FER1L5: variants seen among roughly 807,000 people sequenced by gnomAD.
The protein encoded by FER1L5 is fer-1 like family member 5.
A neutral mutation model predicts 279.9 loss-of-function variants in FER1L5; 187 were observed. The ratio of observed to expected loss-of-function variants is 0.67; its 90% confidence interval spans 0.59 to 0.75. FER1L5 has a LOEUF of 0.75. Among genes scored for constraint, FER1L5 ranks in the 30% least tolerant of loss-of-function variants. The pLI is 0.00. For synonymous variants in FER1L5, 921 were observed against 989.7 expected, an observed-to-expected ratio of 0.93 and a Z score of 1.30; for missense variants, 2,091 against 2,594.4, an observed-to-expected ratio of 0.81 and a Z score of 4.21.
At position 96,694,748 on chromosome 2, in the gene FER1L5, C is replaced by T; in HGVS notation, c.3741+284C>T. 3.4e-6 allele frequency: 1 copy of T among 295,188 alleles called. No individual in the cohort carries two copies. The highest frequency in any genetic ancestry group is 6.2e-6 in the Non-Finnish European group (1 of 160,850). The allele number at this position is 295,188 out of a possible 1,614,324, so 18.3% of individuals were successfully genotyped here. ...CCCCTGCGCAGTAGCAACTACTTTG[C>T]AGAGAAGGAAATAGAGGCTCCAAGA... On this transcript the variant is annotated intron_variant, in intron 34 of 52. Coordinates refer to ENST00000624922, the MANE Select transcript of FER1L5 (RefSeq NM_001293083.2). This position sits in a 1 kb window ranked among gnomAD's most constrained non-coding sequence, Gnocchi z 4.6.
chr2:96,662,204 G>A lies in FER1L5; in HGVS notation c.1019-11G>A. The A allele has an allele frequency of 6.4e-7, 1 of 1,551,428 alleles. No homozygotes were observed. The highest frequency in any genetic ancestry group is 1.4e-5 in the African/African-American group (1 of 73,152). On this transcript the variant is annotated splice_polypyrimidine_tract_variant and intron_variant, in intron 12 of 52. Transcript: ENST00000624922. ...TGCTGGCTCAGATATCTTTTAACTTGTTGTTCATAGAGAAACACCAGTCAG... is the reference window on the plus strand; with the variant it reads ...TGCTGGCTCAGATATCTTTTAACTTATTGTTCATAGAGAAACACCAGTCAG...
Position 96,691,178 on chromosome 2 carries a change from C to T in FER1L5, c.2744-12C>T, listed in dbSNP as rs1238446709. On this transcript the variant is annotated splice_polypyrimidine_tract_variant and intron_variant, in intron 27 of 52. Coordinates refer to ENST00000624922, the MANE Select transcript of FER1L5 (RefSeq NM_001293083.2). The surrounding 1 kb of genome is among the most constrained non-coding windows in gnomAD (Gnocchi z 6.0). ...ACCTGAGGACTCAGAGGCCATGGTC[C>T]ACCCACCGCAGGCTGGGAGTATGGA... 2 of 1,541,064 alleles carry T rather than the reference C, an allele frequency of 1.3e-6. No homozygotes were observed. The highest frequency in any genetic ancestry group is 2.5e-5 in the East Asian group (1 of 40,762).
chr2:96,643,493 G>A (rs1418041632), intron 1 of FER1L5, among the ~76,000 whole-genome samples: 1 of 152,032 alleles, frequency 6.6e-6, no homozygotes, highest in Non-Finnish European at 1.5e-5. Flanking sequence ...GGGACTACAG[G>A]CACATGCCAC....
In FER1L5 at chr2:96,662,131, G is replaced by A. The variant is rs1215185580; in HGVS notation, c.1019-84G>A. 2.9e-6 allele frequency: 4 copies of A among 1,374,590 alleles called. No individual in the cohort carries two copies. The African/African-American group carries it at 4.3e-5, about 15-fold the overall frequency. 85.1% of individuals were successfully genotyped at this position (1,374,590 alleles called of 1,614,324 possible). A position where few individuals can be genotyped will look rare whatever the true frequency, so the allele number is the denominator to read the frequency against. ...GCACCCCTCTAAATTATAGGGGAGGGTTTTCAGTTGTTCTGTCGCCACCCT... is the reference window on the plus strand; with the variant it reads ...GCACCCCTCTAAATTATAGGGGAGGATTTTCAGTTGTTCTGTCGCCACCCT... On this transcript the variant is annotated intron_variant, in intron 12 of 52. Coordinates refer to ENST00000624922, the MANE Select transcript of FER1L5 (RefSeq NM_001293083.2).
Position 96,702,377 on chromosome 2 carries a change from A to G in FER1L5, c.5231A>G (p.Lys1744Arg). 1 of 1,612,826 alleles carries G rather than the reference A, an allele frequency of 6.2e-7. No homozygotes were observed. Among genetic ancestry groups the G allele is most frequent in the Non-Finnish European group, 8.5e-7 (1 of 1,179,532 alleles). The change falls in exon 47 of 53, where the codon AAG becomes AGG. Residue 1744 changes from lysine to arginine, a missense_variant. Coordinates refer to ENST00000624922, the MANE Select transcript of FER1L5 (RefSeq NM_001293083.2). This position sits in a 1 kb window ranked among gnomAD's most constrained non-coding sequence, Gnocchi z 4.0. Reference protein sequence around the residue: ...DLVDDNLSREKTSDIYIKGWL... With the variant: ...DLVDDNLSRERTSDIYIKGWL... ...GTGGATGACAATTTAAGTAGAGAGA[A>G]GACGAGCGACATCTACATCAAAGGG...
At position 96,689,891 on chromosome 2, in the gene FER1L5, CG is replaced by C. The variant is rs1458305206; in HGVS notation, c.2640+134del. 4.6e-6 allele frequency: 3 copies of C among 653,196 alleles called. No individual in the cohort carries two copies. The highest frequency in any genetic ancestry group is 7.9e-6 in the Non-Finnish European group (3 of 379,704). 40.5% of individuals were successfully genotyped at this position (653,196 alleles called of 1,614,324 possible). A position where few individuals can be genotyped will look rare whatever the true frequency, so the allele number is the denominator to read the frequency against. Reference sequence around the variant, plus strand: ...CACTATGTGTGGGGCCCCGGGTGAGCGCACCAGCCCTCAGGCACTCTCTCTC... The same window carrying C: ...CACTATGTGTGGGGCCCCGGGTGAGCCACCAGCCCTCAGGCACTCTCTCTC... On this transcript the variant is annotated intron_variant, in intron 26 of 52. Transcript: ENST00000624922. The surrounding 1 kb of genome is among the most constrained non-coding windows in gnomAD (Gnocchi z 4.6).
At chr2:96,687,064 C>T (rs1558902808) in intron 23 of FER1L5, among the ~76,000 whole-genome samples, 1 of 152,090 alleles carries the variant, frequency 6.6e-6, no homozygotes, top group Non-Finnish European at 1.5e-5. Flanking sequence ...ACCACCCCCA[C>T]CCCTGGCTGT....
chr2:96,691,825 G>A lies in FER1L5; in HGVS notation c.3076G>A (p.Ala1026Thr). 3.2e-6 allele frequency: 5 copies of A among 1,551,668 alleles called. No individual in the cohort carries two copies. Among genetic ancestry groups the A allele is most frequent in the Non-Finnish European group, 4.4e-6 (5 of 1,147,002 alleles). ...TCAGGGGAGACTGTCCTGGGTACAGGCTATGGATCTGAAATACCACGCTGG... is the reference window on the plus strand; with the variant it reads ...TCAGGGGAGACTGTCCTGGGTACAGACTATGGATCTGAAATACCACGCTGG... ...APIFLLEGSL[A>T]MDLKYHAGKE... Residue 1026 changes from alanine (A) to threonine (T), a missense_variant and splice_region_variant, in exon 30 of 53, where the codon GCT becomes ACT. Ala to Thr is a moderately conservative substitution (Grantham distance 58). Coordinates refer to ENST00000624922, the MANE Select transcript of FER1L5 (RefSeq NM_001293083.2). The surrounding 1 kb of genome is among the most constrained non-coding windows in gnomAD (Gnocchi z 6.0).
intron 43 of FER1L5, 84 bp from the exon 44 acceptor site, chr2:96,699,836 CTCCACCCAAGCT>C: frequency 6.3e-7 from 1 of 1,578,148 alleles, no homozygotes. Context: ...CCTGCCCAGT[CTCCACCCAAGCT>C]TCCACCCGTG....
chr2:96,698,860 G>A lies in FER1L5; in HGVS notation c.4518+28G>A, dbSNP rs2077482815. The A allele has an allele frequency of 6.4e-7, 1 of 1,553,834 alleles. No individual in the cohort carries two copies. The highest frequency in any genetic ancestry group is 1.2e-5 in the South Asian group (1 of 84,190). Reference sequence around the variant, plus strand: ...AAAGAACAGTACCTGCCCCACACAGGTGCCCCGCACGCTCCCCTCAACCCA... The same window carrying A: ...AAAGAACAGTACCTGCCCCACACAGATGCCCCGCACGCTCCCCTCAACCCA... On this transcript the variant is annotated intron_variant, in intron 41 of 52. Coordinates refer to ENST00000624922, the MANE Select transcript of FER1L5 (RefSeq NM_001293083.2). This position sits in a 1 kb window ranked among gnomAD's most constrained non-coding sequence, Gnocchi z 5.5.
chr2:96,678,455 A>G (rs1186930211), intron 19 of FER1L5, among the ~76,000 whole-genome samples: 1 of 148,506 alleles, frequency 6.7e-6, no homozygotes, highest in African/African-American at 2.5e-5. Context: ...ATTCTTTGAG[A>G]CAGGGTCTCG....
In FER1L5 at chr2:96,691,033, T is replaced by C. The variant is rs2153278829; in HGVS notation, c.2744-157T>C. Among the ~76,000 whole-genome samples, 1 of 152,360 alleles carries C rather than the reference T, an allele frequency of 6.6e-6. No homozygotes were observed. Among genetic ancestry groups the C allele is most frequent in the East Asian group, 1.9e-4 (1 of 5,184 alleles). On this transcript the variant is annotated intron_variant, in intron 27 of 52. Coordinates refer to ENST00000624922, the MANE Select transcript of FER1L5 (RefSeq NM_001293083.2). The surrounding 1 kb of genome is among the most constrained non-coding windows in gnomAD (Gnocchi z 6.0). ...GGCAGCTGGGCCCAGGCCACTCAGG[T>C]GACACAGTGTAGCCACACTCTCCTT...
chr2:96,691,381 G>A lies in FER1L5; in HGVS notation c.2907+28G>A. The A allele has an allele frequency of 6.5e-7, 1 of 1,542,532 alleles. No individual in the cohort carries two copies. Among genetic ancestry groups the A allele is most frequent in the African/African-American group, 1.4e-5 (1 of 72,994 alleles). On this transcript the variant is annotated intron_variant, in intron 28 of 52. Transcript: ENST00000624922. This position sits in a 1 kb window ranked among gnomAD's most constrained non-coding sequence, Gnocchi z 6.0. ...GAGGGGTCGACGGGCGCCCTGGCTGGGACTGCGGGCAGGGCCGCCTTGGCT... is the reference window on the plus strand; with the variant it reads ...GAGGGGTCGACGGGCGCCCTGGCTGAGACTGCGGGCAGGGCCGCCTTGGCT...
Position 96,704,220 on chromosome 2 carries a change from C to T in FER1L5, c.5807C>T (p.Thr1936Ile). 6 of 1,613,950 alleles carry T rather than the reference C, an allele frequency of 3.7e-6. No homozygotes were observed. Among genetic ancestry groups the T allele is most frequent in the Non-Finnish European group, 4.2e-6 (5 of 1,179,868 alleles). The change falls in exon 52 of 53, where the codon ACC becomes ATC. Residue 1936 changes from threonine (T) to isoleucine (I), a missense_variant. Thr to Ile is a moderately conservative substitution (Grantham distance 89). Coordinates refer to ENST00000624922, the MANE Select transcript of FER1L5 (RefSeq NM_001293083.2). ...TCTCCCTGGCTCCTGGACAGACGCA[C>T]CAACACCTCTTTCACGTGGCTGCGG... is the stretch of plus-strand genomic sequence containing the variant. ...QYPTLHPPLR[T>I]NTSFTWLRSP...
chr2:96,669,899 T>C lies in FER1L5; in HGVS notation c.1363-220T>C, dbSNP rs116005899. 7.6e-3 allele frequency among the ~76,000 whole-genome samples: 1,157 copies of C among 152,212 alleles called. 11 individuals are homozygous for C. Among genetic ancestry groups the C allele is most frequent in the African/African-American group, 0.027 (1,115 of 41,522 alleles). On this transcript the variant is annotated intron_variant, in intron 17 of 52. Transcript: ENST00000624922. ...CTGAAGCATGGTGGGAGCACGGTAT[T>C]CCATGGGGCAGGCAGGATCCCAGGG...
Position 96,699,087 on chromosome 2 carries a change from G to A in FER1L5, c.4561G>A (p.Gly1521Ser). 1 of 1,612,106 alleles carries A rather than the reference G, an allele frequency of 6.2e-7. No individual in the cohort carries two copies. The highest frequency in any genetic ancestry group is 8.5e-7 in the Non-Finnish European group (1 of 1,179,198). Residue 1521 changes from glycine (G) to serine (S), a missense_variant, in exon 42 of 53, where the codon GGC becomes AGC. By Grantham distance (56) the Gly-to-Ser change is moderately conservative (BLOSUM62 0). Transcript: ENST00000624922. ...VILKLGKTEL[G>S]NRDMYQPNTL... ...CCTGAAACTGGGCAAGACAGAGCTT[G>A]GCAACCGGGACATGTACCAGCCCAA...
chr2:96,669,159 T>TA, intron 17 of FER1L5, 22 bp downstream of exon 17: 2 of 1,547,326 alleles, frequency 1.3e-6, no homozygotes, highest in African/African-American at 2.7e-5. Context: ...ACATCAGCTC[T>TA]AGGGTACAGT....
Position 96,659,485 on chromosome 2 carries a change from CTTTCTTTCTTTCTTTCTTTCTTTCGA to C in FER1L5, c.748-855_748-830del, listed in dbSNP as rs1558855559. Among the ~76,000 whole-genome samples, 20 of 34,024 alleles carry C rather than the reference CTTTCTTTCTTTCTTTCTTTCTTTCGA, an allele frequency of 5.9e-4. 1 individual carries two copies. Among genetic ancestry groups the C allele is most frequent in the African/African-American group, 1.8e-3 (7 of 3,784 alleles). 22.3% of individuals were successfully genotyped at this position (34,024 alleles called of 152,430 possible). ...TCTTTCTTTCTTTCTTTCTTTCTTT[CTTTCTTTCTTTCTTTCTTTCTTTCGA>C]GACAGAGTCTCGCTCTGTCGCCCAG... On this transcript the variant is annotated intron_variant, in intron 9 of 52. Transcript: ENST00000624922.
At chr2:96,680,169 G>A (rs2076667199) in intron 19 of FER1L5, among the ~76,000 whole-genome samples, 2 of 151,862 alleles carry the variant, frequency 1.3e-5, no homozygotes, top group South Asian at 2.1e-4. Context: ...CTGTCTCCTT[G>A]GTTTGCTGAA....
Sources: gnomAD v4.1 joint callset for allele counts (sites outside exome capture counted in the v4.1 genomes callset) on GRCh38, gnomAD v4.1.1 for gene constraint, Gnocchi (gnomAD v3.1) non-coding constraint, MANE v1.5 for transcripts, NCBI Gene and HGNC (gene_info 2026-07-23, HGNC 2026-07-21) for gene names.